Variants in CNDP1 observed in about 807,000 individuals in gnomAD.
The protein encoded by CNDP1 is beta-Ala-His dipeptidase.
In CNDP1, 44 loss-of-function variants were observed where a neutral mutation model predicts 58.1. That is an observed-to-expected ratio of 0.76 (90% CI 0.60 to 0.97). CNDP1 has a LOEUF of 0.97. Ranked by LOEUF, CNDP1 falls within the 50% of genes least tolerant of loss-of-function variation. The probability of loss-of-function intolerance (pLI) is 0.00; values close to 1 mark genes in which losing one functional copy is unlikely to be tolerated. For synonymous variants in CNDP1, 254 were observed against 252.6 expected, an observed-to-expected ratio of 1.01 and a Z score of -0.05; for missense variants, 616 against 655.1, an observed-to-expected ratio of 0.94 and a Z score of 0.65.
intron 5 of CNDP1, among the ~76,000 whole-genome samples, chr18:74,563,134 C>G (rs1025010454): frequency 6.6e-6 from 1 of 152,172 alleles, no homozygotes; most frequent in African/African-American, 2.4e-5. Flanking sequence ...GGGCTTCCCT[C>G]TCAGAAGTTT....
intron 1 of CNDP1, among the ~76,000 whole-genome samples, chr18:74,541,437 CT>C (rs1024261294): frequency 6.6e-5 from 10 of 152,284 alleles, no homozygotes; most frequent in African/African-American, 2.2e-4. Flanking sequence ...CTGATGGTAT[CT>C]GGAGGGTGGG....
At position 74,585,950 on chromosome 18, in the gene CNDP1, T is replaced by A. The variant is rs1049987512; in HGVS notation, c.*1388T>A. The A allele has an allele frequency of 6.5e-5, 8 of 123,410 alleles. No homozygotes were observed. The highest frequency in any genetic ancestry group is 1.2e-4 in the Non-Finnish European group (8 of 64,152). The allele number at this position is 123,410 out of a possible 1,614,324, so 7.6% of individuals were successfully genotyped here. ...CGGAAGTTGCAGTGAACTGGGATCA[T>A]GCCACTGCACTCCAGCCTGGGCGAC... On this transcript the variant is annotated 3_prime_UTR_variant, in exon 12 of 12. Transcript: ENST00000358821.
At chr18:74,552,467 C>T (rs1167725642) in intron 1 of CNDP1, among the ~76,000 whole-genome samples, 4 of 152,184 alleles carry the variant, frequency 2.6e-5, no homozygotes, top group Non-Finnish European at 5.9e-5. Flanking sequence ...CTTTCTGTCT[C>T]TATGAAGTTA....
intron 1 of CNDP1, among the ~76,000 whole-genome samples, chr18:74,552,737 A>G (rs4892239): frequency 0.2 from 29,893 of 152,230 alleles, 3,580 homozygotes; most frequent in Non-Finnish European, 0.26. Context: ...ATGCCGCTAT[A>G]AACATCCACT....
intron 1 of CNDP1, among the ~76,000 whole-genome samples, chr18:74,538,243 G>A (rs1419647696): frequency 6.6e-6 from 1 of 152,130 alleles, no homozygotes; most frequent in Non-Finnish European, 1.5e-5. Flanking sequence ...TTCTGTCTCT[G>A]TAGATTTCCC....
intron 2 of CNDP1, among the ~76,000 whole-genome samples, chr18:74,558,495 C>T (rs1374031469): frequency 2.1e-5 from 3 of 144,538 alleles, no homozygotes; most frequent in African/African-American, 7.7e-5. Flanking sequence ...CCCAGGTTCA[C>T]GCCATTCTCC....
intron 1 of CNDP1, among the ~76,000 whole-genome samples, chr18:74,552,473 A>C (rs935972921): frequency 5.9e-5 from 9 of 152,216 alleles, no homozygotes; most frequent in Admixed American, 5.2e-4. Context: ...GTCTCTATGA[A>C]GTTACCTACT....
chr18:74,560,639 G>C (rs1981165193), intron 3 of CNDP1, among the ~76,000 whole-genome samples: 1 of 151,986 alleles, frequency 6.6e-6, no homozygotes, highest in South Asian at 2.1e-4. Context: ...GCCTGGGAGT[G>C]TGCCACTGCG....
intron 5 of CNDP1, among the ~76,000 whole-genome samples, 160 bp downstream of exon 5, chr18:74,562,295 G>T (rs987738619): frequency 1.3e-5 from 2 of 152,170 alleles, no homozygotes; most frequent in Non-Finnish European, 2.9e-5. Context: ...TGCAGATAAG[G>T]ACAGTAAGTC....
chr18:74,575,592 T>C (rs1006378171), intron 7 of CNDP1, among the ~76,000 whole-genome samples: 3 of 152,236 alleles, frequency 2.0e-5, no homozygotes, highest in Non-Finnish European at 2.9e-5. Context: ...TCCATTTGTA[T>C]TGATCTCCAA....
intron 1 of CNDP1, among the ~76,000 whole-genome samples, chr18:74,535,931 C>A (rs1318864991): frequency 1.3e-5 from 2 of 151,970 alleles, no homozygotes; most frequent in Non-Finnish European, 2.9e-5. Context: ...ACTCAGGAGA[C>A]CAAGGTGGGA....
intron 1 of CNDP1, among the ~76,000 whole-genome samples, chr18:74,551,432 G>A (rs1030109762): frequency 6.6e-6 from 1 of 151,670 alleles, no homozygotes; most frequent in African/African-American, 2.4e-5. Flanking sequence ...GAGAAAAATG[G>A]ATGGAGTCTC....
intron 3 of CNDP1, 102 bp downstream of exon 3, chr18:74,559,574 C>A (rs7239132): frequency 0.37 from 394,803 of 1,061,876 alleles, 75,646 homozygotes; most frequent in Admixed American, 0.46. Flanking sequence ...TCCTCAACCA[C>A]AACCCCCCAT....
Position 74,534,547 on chromosome 18 carries a change from C to A in CNDP1, c.-121C>A, listed in dbSNP as rs1980435097. The A allele has an allele frequency of 2.0e-6, 2 of 1,011,376 alleles. No homozygotes were observed. The highest frequency in any genetic ancestry group is 2.1e-4 in the Middle Eastern group (1 of 4,792). The allele number at this position is 1,011,376 out of a possible 1,614,324, so 62.7% of individuals were successfully genotyped here. A position where few individuals can be genotyped will look rare whatever the true frequency, so the allele number is the denominator to read the frequency against. ...CCAGCCTCGTCTTCCTTCCGGGGGA[C>A]AACGTGGGTCAGGGCACAGAGAGAT... On this transcript the variant is annotated 5_prime_UTR_variant, in exon 1 of 12. Coordinates refer to ENST00000358821, the MANE Select transcript of CNDP1 (RefSeq NM_032649.6).
In CNDP1 at chr18:74,561,022, A is replaced by C. The variant is rs1296588411; in HGVS notation, c.466+4A>C. On this transcript the variant is annotated splice_donor_region_variant and intron_variant, in intron 4 of 11. Coordinates refer to ENST00000358821, the MANE Select transcript of CNDP1 (RefSeq NM_032649.6). ...TATGTGCTGACGGAGGTAGACGGTC[A>C]GTGAGGCGCCCGGGCTACAGTGCGG... The C allele has an allele frequency of 6.2e-7, 1 of 1,610,508 alleles. No individual in the cohort carries two copies. The highest frequency in any genetic ancestry group is 8.5e-7 in the Non-Finnish European group (1 of 1,177,190).
At chr18:74,540,475 T>A (rs922822227) in intron 1 of CNDP1, among the ~76,000 whole-genome samples, 1 of 152,192 alleles carries the variant, frequency 6.6e-6, no homozygotes, top group East Asian at 1.9e-4. Context: ...CCTGAATTTC[T>A]GATCTGACCT....
At chr18:74,574,319 A>G (rs1981574196) in intron 7 of CNDP1, among the ~76,000 whole-genome samples, 1 of 152,258 alleles carries the variant, frequency 6.6e-6, no homozygotes, top group African/African-American at 2.4e-5. Context: ...AAAGGGGCTT[A>G]GTATGCAGGG....
intron 8 of CNDP1, 21 bp from the exon 9 acceptor site, chr18:74,578,142 G>A (rs1486595094): frequency 6.3e-7 from 1 of 1,594,886 alleles, no homozygotes; most frequent in Non-Finnish European, 8.5e-7. Flanking sequence ...GCATCCTTTG[G>A]ATAATTTTAT....
chr18:74,548,501 A>G (rs1048990057), intron 1 of CNDP1, among the ~76,000 whole-genome samples: 3 of 152,158 alleles, frequency 2.0e-5, no homozygotes, highest in East Asian at 1.9e-4. Context: ...CCATGAGCCA[A>G]TTACACCTCT....
Sources: allele counts gnomAD v4.1 joint callset (sites outside exome capture counted in the v4.1 genomes callset), GRCh38; gene constraint gnomAD v4.1.1; transcripts MANE v1.5; gene names NCBI Gene and HGNC (gene_info 2026-07-23, HGNC 2026-07-21).